The following GBF1 variants were observed in gnomAD, a reference collection of about 807,000 sequenced individuals.
GBF1 encodes Golgi-specific brefeldin A-resistance guanine nucleotide exchange factor 1.
In GBF1, 114 loss-of-function variants were observed where a neutral mutation model predicts 210.5. The ratio of observed to expected loss-of-function variants is 0.54; its 90% CI spans 0.47 to 0.63. GBF1 has a LOEUF of 0.63. Among genes scored for constraint, GBF1 ranks in the 30% least tolerant of loss-of-function variants. The pLI, the probability that GBF1 is intolerant of heterozygous loss-of-function variation, is 0.00. For synonymous variants in GBF1, 850 were observed against 889.2 expected (o/e 0.96, Z 0.78); for missense variants, 1,851 against 2,357.7 (o/e 0.79, Z 4.45).
chr10:102,279,479 C>G (rs2075292897), intron 3 of GBF1, among the ~76,000 whole-genome samples: 2 of 152,166 alleles, frequency 1.3e-5, no homozygotes, highest in Non-Finnish European at 2.9e-5. Flanking sequence ...TCTTATTAAG[C>G]ACTTCCACTT....
chr10:102,343,724 G>C (rs2058347614), intron 3 of GBF1, among the ~76,000 whole-genome samples: 1 of 151,168 alleles, frequency 6.6e-6, no homozygotes, highest in Admixed American at 6.6e-5. Flanking sequence ...AGGCTGAGGG[G>C]CTTGAGCCCT....
rs376175528 is a variant in GBF1 at position 102,352,490 on chromosome 10, G to C, written c.556G>C (p.Val186Leu). 21 of 1,611,838 alleles carry C rather than the reference G, an allele frequency of 1.3e-5. No homozygotes were observed. The highest frequency in any genetic ancestry group is 2.2e-5 in the East Asian group (1 of 44,884). Residue 186 changes from valine to leucine, a missense_variant, in exon 7 of 40, where the codon GTA becomes CTA. By Grantham distance (32) the Val-to-Leu change is conservative. Transcript: ENST00000369983. ...LLRKSAEHTL[V>L]DMVQLLFTRL... ...GAGAAAATCCGCAGAGCACACTCTC[G>C]TAGACATGGTGCAGCTGCTCTTCAC...
chr10:102,363,385 T>G lies in GBF1; in HGVS notation c.2006T>G (p.Val669Gly), dbSNP rs766524397. ...KSGCSDLEEA[V>G]DSGADKKFAR... Reference sequence around the variant, plus strand: ...GGATGCAGTGATCTGGAGGAAGCTGTTGACTCTGGGGGTGGGTACTGGGTG... The same window carrying G: ...GGATGCAGTGATCTGGAGGAAGCTGGTGACTCTGGGGGTGGGTACTGGGTG... The change falls in exon 16 of 40, where the codon GTT (valine) becomes GGT (glycine). Residue 669 changes from valine (V) to glycine (G), a missense_variant. By Grantham distance (109) the Val-to-Gly change is moderately radical (BLOSUM62 -3). Around this residue, in one of 3 missense-constraint regions of GBF1, gnomAD observed 804 missense variants for 958.6 expected, o/e 0.84. Transcript: ENST00000369983. This position sits in a 1 kb window ranked among gnomAD's most constrained non-coding sequence, Gnocchi z 4.2. 15 of 1,613,478 alleles carry G rather than the reference T, an allele frequency of 9.3e-6. No individual in the cohort carries two copies. The South Asian group carries it at 1.6e-4, about 18-fold the overall frequency.
chr10:102,342,574 G>A (rs4331020), intron 3 of GBF1, among the ~76,000 whole-genome samples: 52,007 of 151,730 alleles, frequency 0.34, 9,278 homozygotes, highest in South Asian at 0.48. Flanking sequence ...TAATTAAAGC[G>A]TTAATCTGAG....
chr10:102,332,575 T>C (rs1399466941), intron 3 of GBF1, among the ~76,000 whole-genome samples: 1 of 151,926 alleles, frequency 6.6e-6, no homozygotes. Flanking sequence ...GTAGAGACAG[T>C]GTTTCACCAT....
intron 3 of GBF1, among the ~76,000 whole-genome samples, chr10:102,285,781 T>A (rs1358205430): frequency 2.0e-5 from 3 of 152,170 alleles, no homozygotes. Flanking sequence ...TCTAGCTCTC[T>A]CCGTTTTTTC....
chr10:102,352,743 A>C (rs2059078832), intron 7 of GBF1, among the ~76,000 whole-genome samples: 1 of 152,190 alleles, frequency 6.6e-6, no homozygotes, highest in African/African-American at 2.4e-5. Flanking sequence ...AATATAGGCC[A>C]GCAGACCTCA....
In GBF1 at chr10:102,380,579, A is replaced by G. The variant is rs746259597; in HGVS notation, c.5066A>G (p.Asp1689Gly). The G allele has an allele frequency of 6.2e-7, 1 of 1,614,040 alleles. No individual in the cohort carries two copies. Among genetic ancestry groups the G allele is most frequent in the Non-Finnish European group, 8.5e-7 (1 of 1,179,946 alleles). ...ACAGCGGAGATTTTCCACAGTGCAG[A>G]TGCACGGGGAGGCGGCCCCTCGGCC... ...MDTAEIFHSADARGGGPSALW... is the reference protein window; with the variant it reads ...MDTAEIFHSAGARGGGPSALW... The change falls in exon 38 of 40, where the codon GAT becomes GGT. Residue 1689 changes from aspartate to glycine, a missense_variant. Coordinates refer to ENST00000369983, the MANE Select transcript of GBF1 (RefSeq NM_001377137.1).
chr10:102,293,980 G>T (rs910768837), intron 3 of GBF1, among the ~76,000 whole-genome samples: 2 of 151,322 alleles, frequency 1.3e-5, no homozygotes, highest in African/African-American at 4.9e-5. Context: ...GGGTTTCACC[G>T]TGTTAGCCAG....
At chr10:102,254,596 T>C (rs1368371082) in intron 1 of GBF1, among the ~76,000 whole-genome samples, 1 of 152,186 alleles carries the variant, frequency 6.6e-6, no homozygotes, top group African/African-American at 2.4e-5. Context: ...CACAAAGCAC[T>C]AGGGGAATGT....
chr10:102,337,593 T>A (rs578093927), intron 3 of GBF1, among the ~76,000 whole-genome samples: 10 of 152,166 alleles, frequency 6.6e-5, no homozygotes, highest in Non-Finnish European at 1.5e-4. Context: ...GACTCACGCC[T>A]GTAATCACAG....
At chr10:102,261,277 TACAC>T (rs141245760) in intron 3 of GBF1, among the ~76,000 whole-genome samples, 23 of 150,604 alleles carry the variant, frequency 1.5e-4, no homozygotes, top group African/African-American at 4.1e-4. Flanking sequence ...TGTATATATA[TACAC>T]ACACACACAC....
At chr10:102,362,917 TTAAAGAA>T (rs1278560213) in intron 15 of GBF1, among the ~76,000 whole-genome samples, 1 of 152,158 alleles carries the variant, frequency 6.6e-6, no homozygotes, top group East Asian at 1.9e-4. Flanking sequence ...AGAACAGAGA[TTAAAGAA>T]TATAGGATTT....
At chr10:102,252,948 C>G (rs1392667934) in intron 1 of GBF1, among the ~76,000 whole-genome samples, 1 of 151,886 alleles carries the variant, frequency 6.6e-6, no homozygotes, top group Admixed American at 6.6e-5. Flanking sequence ...AGGCTGGAGA[C>G]CAGTGATGCA....
chr10:102,231,150 G>C, the GBF1 span: 8 of 1,460,676 alleles, frequency 5.5e-6, no homozygotes, highest in African/African-American at 1.0e-4. Context: ...GGGTCCCAGC[G>C]GCTGAAGGGC....
intron 33 of GBF1, among the ~76,000 whole-genome samples, chr10:102,378,915 C>CA (rs2060671382): frequency 6.6e-6 from 1 of 152,150 alleles, no homozygotes; most frequent in African/African-American, 2.4e-5. Flanking sequence ...GCCTGGGTGA[C>CA]AGAGTGAGAC....
In GBF1 at chr10:102,363,735, AC is replaced by A. The variant is rs1317748803; in HGVS notation, c.2047del (p.Arg683AspfsTer12). 1 of 1,613,292 alleles carries A rather than the reference AC, an allele frequency of 6.2e-7. No individual in the cohort carries two copies. Among genetic ancestry groups the A allele is most frequent in the Admixed American group, 1.7e-5 (1 of 60,004 alleles). ...CTGACAAAAAGTTTGCCCGGAAGCCACCCCGATTTTCCTGTCTCCTGCCAGA... is the reference window on the plus strand; with the variant it reads ...CTGACAAAAAGTTTGCCCGGAAGCCACCCGATTTTCCTGTCTCCTGCCAGA... ...GADKKFARKP[P>X]RFSCLLPDPR... is the part of the protein sequence containing the mutation. On this transcript the variant is annotated frameshift_variant, in exon 17 of 40. Transcript: ENST00000369983. LOFTEE classifies it high-confidence loss of function. The surrounding 1 kb of genome is among the most constrained non-coding windows in gnomAD (Gnocchi z 4.2).
At chr10:102,326,921 G>T (rs534375664) in intron 3 of GBF1, among the ~76,000 whole-genome samples, 2 of 152,264 alleles carry the variant, frequency 1.3e-5, no homozygotes, top group East Asian at 3.9e-4. Context: ...TTGGTGAAGG[G>T]CTTTCATCTG....
chr10:102,258,583 C>G (rs1306746065), intron 1 of GBF1, among the ~76,000 whole-genome samples: 1 of 150,216 alleles, frequency 6.7e-6, no homozygotes, highest in African/African-American at 2.4e-5. Flanking sequence ...ACCAGCCTGA[C>G]CAACACAGAG....
Sources: gnomAD v4.1 joint callset for allele counts (sites outside exome capture counted in the v4.1 genomes callset) on GRCh38, gnomAD v4.1.1 for gene constraint, gnomAD v4.1.1 regional missense constraint, Gnocchi (gnomAD v3.1) non-coding constraint, MANE v1.5 for transcripts, NCBI Gene and HGNC (gene_info 2026-07-23, HGNC 2026-07-21) for gene names.